Variants in ORC2 observed in about 807,000 individuals in gnomAD.
ORC2 encodes the protein origin recognition complex subunit 2.
A neutral mutation model predicts 77.7 loss-of-function variants in ORC2; 37 were observed. The observed-to-expected ratio is 0.48, with a 90% CI of 0.37 to 0.63. ORC2 has a LOEUF of 0.63. Ranked by LOEUF, ORC2 falls within the 20% of genes least tolerant of loss-of-function variation. ORC2 has a pLI of 0.00. For synonymous variants in ORC2, 201 were observed against 229.5 expected (o/e 0.88, Z 1.12); for missense variants, 557 against 661.9 (o/e 0.84, Z 1.74).
Position 200,910,541 on chromosome 2 carries a change from C to G in ORC2, c.*760G>C, listed in dbSNP as rs996823859. On this transcript the variant is annotated 3_prime_UTR_variant, in exon 18 of 18. Transcript: ENST00000234296. ...TGAAAACAATTACTAAAATGTAATTCAGGATTTTATTTCTCTAGCCTGGCT... is the reference window on the plus strand; with the variant it reads ...TGAAAACAATTACTAAAATGTAATTGAGGATTTTATTTCTCTAGCCTGGCT... The G allele has an allele frequency of 2.0e-5, 3 of 152,044 alleles. No individual in the cohort carries two copies. The highest frequency in any genetic ancestry group is 7.3e-5 in the African/African-American group (3 of 41,368). The allele number at this position is 152,044 out of a possible 1,614,324, so 9.4% of individuals were successfully genotyped here.
In ORC2 at chr2:200,942,673, G is replaced by A. The variant is rs1176458968; in HGVS notation, c.421+12C>T. The A allele has an allele frequency of 6.8e-7, 1 of 1,477,802 alleles. No individual in the cohort carries two copies. Among genetic ancestry groups the A allele is most frequent in the South Asian group, 1.2e-5 (1 of 80,614 alleles). 91.5% of individuals were successfully genotyped at this position (1,477,802 alleles called of 1,614,324 possible). A position where few individuals can be genotyped will look rare whatever the true frequency, so the allele number is the denominator to read the frequency against. On this transcript the variant is annotated intron_variant, in intron 6 of 17. Transcript: ENST00000234296. ...TGAAAATTCTTTTCAAAGAACTAAT[G>A]TAATGTCTTACCCTTGCTACTTTGA...
chr2:200,913,047 G>A (rs16824545), intron 17 of ORC2, among the ~76,000 whole-genome samples: 1,559 of 152,254 alleles, frequency 0.01, 22 homozygotes, highest in African/African-American at 0.036. Context: ...AGAATTATTT[G>A]ACTCACCATG....
At chr2:200,947,621 T>C (rs1392494691) in intron 5 of ORC2, among the ~76,000 whole-genome samples, 1 of 152,232 alleles carries the variant, frequency 6.6e-6, no homozygotes, top group African/African-American at 2.4e-5. Context: ...ACTTTGTATT[T>C]ATATACCTTT....
At chr2:200,915,317 C>CT (rs201018427) in intron 15 of ORC2, among the ~76,000 whole-genome samples, 3,795 of 150,868 alleles carry the variant, frequency 0.025, 159 homozygotes, top group African/African-American at 0.086. Flanking sequence ...TTTTTCTTTT[C>CT]TTTTTTTTTG....
At chr2:200,943,549 G>C (rs1451708916) in intron 5 of ORC2, among the ~76,000 whole-genome samples, 1 of 152,054 alleles carries the variant, frequency 6.6e-6, no homozygotes, top group Non-Finnish European at 1.5e-5. Flanking sequence ...CTCTCACACT[G>C]GGACACTGTT....
At chr2:200,942,852 T>C (rs975254048) in intron 5 of ORC2, 75 bp from the exon 6 acceptor site, 3 of 809,162 alleles carry the variant, frequency 3.7e-6, no homozygotes, top group Non-Finnish European at 5.7e-6. Context: ...TTATTACGCT[T>C]ACAAAAATTC....
rs570537972 is a variant in ORC2 at position 200,909,697 on chromosome 2, TAAAAAAAAAAAAAA to T, written c.*1590_*1603del. 1.2e-4 allele frequency: 6 copies of T among 51,336 alleles called. No homozygotes were observed. Among genetic ancestry groups the T allele is most frequent in the African/African-American group, 4.4e-4 (6 of 13,550 alleles). The allele number at this position is 51,336 out of a possible 1,614,324, so 3.2% of individuals were successfully genotyped here. A position where few individuals can be genotyped will look rare whatever the true frequency, so the allele number is the denominator to read the frequency against. On this transcript the variant is annotated 3_prime_UTR_variant, in exon 18 of 18. Coordinates refer to ENST00000234296, the MANE Select transcript of ORC2 (RefSeq NM_006190.5). ...GACTGGATGACAGTGCAATTCCATC[TAAAAAAAAAAAAAA>T]AAAAAAAAAGACTAAGCCCATGGAC...
chr2:200,941,324 C>T, intron 6 of ORC2, 45 bp from the exon 7 acceptor site: 1 of 1,565,868 alleles, frequency 6.4e-7, no homozygotes, highest in Non-Finnish European at 8.8e-7. Context: ...GGACACTTCA[C>T]TTTTCATTGT....
intron 4 of ORC2, among the ~76,000 whole-genome samples, chr2:200,953,361 A>C (rs1021657168): frequency 1.1e-4 from 16 of 151,258 alleles, no homozygotes; most frequent in African/African-American, 2.9e-4. Flanking sequence ...CGATATGTTA[A>C]ATTTAAAAGA....
intron 4 of ORC2, among the ~76,000 whole-genome samples, chr2:200,950,818 C>G (rs993997522): frequency 2.0e-5 from 3 of 152,088 alleles, no homozygotes; most frequent in African/African-American, 7.3e-5. Context: ...TCCTAGTGAT[C>G]TGTATTTCCA....
rs375791970 is a variant in ORC2, at chr2:200,950,582, T to C, written c.239-939A>G. On this transcript the variant is annotated intron_variant, in intron 4 of 17. Coordinates refer to ENST00000234296, the MANE Select transcript of ORC2 (RefSeq NM_006190.5). ...ACAGTGAGGTATGCCAGAGACGACA[T>C]GATGTGATAACAAGTTACCATATTG... Among the ~76,000 whole-genome samples, 17 of 152,264 alleles carry C rather than the reference T, an allele frequency of 1.1e-4. No individual in the cohort carries two copies. In the South Asian group the frequency reaches 3.5e-3, roughly 32 times the overall value.
intron 11 of ORC2, among the ~76,000 whole-genome samples, chr2:200,930,608 G>C (rs2040923087): frequency 6.6e-6 from 1 of 151,380 alleles, no homozygotes; most frequent in African/African-American, 2.4e-5. Flanking sequence ...GGGAGGCCAA[G>C]TGCCTGGTCC....
chr2:200,941,549 A>G lies in ORC2; in HGVS notation c.422-270T>C, dbSNP rs16836122. Among the ~76,000 whole-genome samples the G allele has an allele frequency of 1.4e-3, 218 of 151,836 alleles. 2 individuals carry two copies. The highest frequency in any genetic ancestry group is 5.1e-3 in the African/African-American group (213 of 41,386). On this transcript the variant is annotated intron_variant, in intron 6 of 17. Coordinates refer to ENST00000234296, the MANE Select transcript of ORC2 (RefSeq NM_006190.5). ...GCTTCTACATAGAAGCCACCACATT[A>G]TTACTGAATTATAAATTAATTCCAT...
In ORC2 at chr2:200,917,997, A is replaced by T. The variant is rs533290818; in HGVS notation, c.1466+2225T>A. ...CAGGGTTGGTACCTAATTTTTTTTT[A>T]TTATTTTTAGTACCTAAAAAGACCT... On this transcript the variant is annotated intron_variant, in intron 15 of 17. Coordinates refer to ENST00000234296, the MANE Select transcript of ORC2 (RefSeq NM_006190.5). Among the ~76,000 whole-genome samples the T allele has an allele frequency of 2.4e-3, 364 of 150,854 alleles. 1 individual carries two copies. The highest frequency in any genetic ancestry group is 8.1e-3 in the African/African-American group (334 of 41,144).
At chr2:200,926,003 C>T (rs1025372674) in intron 12 of ORC2, 71 bp from the exon 13 acceptor site, 2 of 635,542 alleles carry the variant, frequency 3.1e-6, no homozygotes, top group Non-Finnish European at 2.7e-6. Context: ...GAAAATCAAA[C>T]CTTTTTTTAT....
intron 13 of ORC2, among the ~76,000 whole-genome samples, chr2:200,924,579 T>C (rs1411000222): frequency 1.3e-5 from 2 of 152,214 alleles, no homozygotes; most frequent in African/African-American, 4.8e-5. Context: ...ATTACTTCTC[T>C]TAATTCTTAA....
At chr2:200,930,323 G>A (rs2040917112) in intron 11 of ORC2, among the ~76,000 whole-genome samples, 1 of 152,020 alleles carries the variant, frequency 6.6e-6, no homozygotes, top group African/African-American at 2.4e-5. Flanking sequence ...TGACTATAAG[G>A]TCTAATCTGA....
chr2:200,934,242 T>G (rs2040993553), intron 9 of ORC2, among the ~76,000 whole-genome samples: 1 of 152,104 alleles, frequency 6.6e-6, no homozygotes, highest in Non-Finnish European at 1.5e-5. Context: ...CAATATGTAA[T>G]TTCCATTTAG....
intron 16 of ORC2, 148 bp downstream of exon 16, chr2:200,913,783 A>C: frequency 7.1e-7 from 1 of 1,409,662 alleles, no homozygotes; most frequent in Middle Eastern, 2.4e-4. Flanking sequence ...AGCTGCTTGA[A>C]AATTTGCTAT....
Sources: allele counts gnomAD v4.1 joint callset (sites outside exome capture counted in the v4.1 genomes callset), GRCh38; gene constraint gnomAD v4.1.1; transcripts MANE v1.5; gene names NCBI Gene and HGNC (gene_info 2026-07-23, HGNC 2026-07-21).